Variants in RFTN2 observed in about 807,000 individuals in gnomAD.
RFTN2 encodes raftlin family member 2.
A neutral mutation model predicts 52.7 loss-of-function variants in RFTN2; 34 were observed. The observed-to-expected ratio is 0.64, with a 90% CI of 0.49 to 0.86. The LOEUF is 0.86. Among genes scored for constraint, RFTN2 ranks in the 40% least tolerant of loss-of-function variants. RFTN2 has a pLI of 0.00. For synonymous variants in RFTN2, 203 were observed against 217.7 expected (o/e 0.93, Z 0.59); for missense variants, 536 against 600.1 (o/e 0.89, Z 1.12).
intron 8 of RFTN2, among the ~76,000 whole-genome samples, chr2:197,576,659 A>G (rs1345522629): frequency 6.6e-6 from 1 of 152,200 alleles, no homozygotes; most frequent in Non-Finnish European, 1.5e-5. Flanking sequence ...TGGTTTTTAC[A>G]GCAAATATAC....
rs753395426 is a variant in RFTN2 at position 197,572,179 on chromosome 2, G to T, written c.1335C>A (p.His445Gln). The T allele has an allele frequency of 1.2e-6, 2 of 1,614,254 alleles. No homozygotes were observed. Among genetic ancestry groups the T allele is most frequent in the Non-Finnish European group, 1.7e-6 (2 of 1,180,046 alleles). ...TTSSQPAESRHLPEECRLSPS... is the reference protein window; with the variant it reads ...TTSSQPAESRQLPEECRLSPS... Reference sequence around the variant, plus strand: ...GAGAAAGGCGGCACTCCTCAGGCAGGTGTCTGCTCTCTGCAGGTTGTGACG... The same window carrying T: ...GAGAAAGGCGGCACTCCTCAGGCAGTTGTCTGCTCTCTGCAGGTTGTGACG... The change falls in exon 9 of 9, where the codon CAC (histidine) becomes CAA (glutamine). Residue 445 changes from histidine (H) to glutamine (Q), a missense_variant. By Grantham distance (24) the His-to-Gln change is conservative (BLOSUM62 0). Coordinates refer to ENST00000295049, the MANE Select transcript of RFTN2 (RefSeq NM_144629.3).
Position 197,569,461 on chromosome 2 carries a change from C to G in RFTN2, c.*2547G>C, listed in dbSNP as rs986536524. The G allele has an allele frequency of 2.0e-5, 3 of 152,044 alleles. No homozygotes were observed. Among genetic ancestry groups the G allele is most frequent in the Non-Finnish European group, 2.9e-5 (2 of 68,016 alleles). The allele number at this position is 152,044 out of a possible 1,614,324, so 9.4% of individuals were successfully genotyped here. Reference sequence around the variant, plus strand: ...TGATCATAAATTATTCGCTATCATACAAATTCATCACATAACTTAAGGGTA... The same window carrying G: ...TGATCATAAATTATTCGCTATCATAGAAATTCATCACATAACTTAAGGGTA... On this transcript the variant is annotated 3_prime_UTR_variant, in exon 9 of 9. Coordinates refer to ENST00000295049, the MANE Select transcript of RFTN2 (RefSeq NM_144629.3).
At chr2:197,620,517 A>G (rs1288439583) in intron 5 of RFTN2, among the ~76,000 whole-genome samples, 3 of 152,248 alleles carry the variant, frequency 2.0e-5, no homozygotes, top group African/African-American at 7.2e-5. Flanking sequence ...GCTTAAAGAT[A>G]AAAAAGACAA....
At chr2:197,627,875 G>GCCCC (rs1196853759) in intron 5 of RFTN2, among the ~76,000 whole-genome samples, 2 of 58,790 alleles carry the variant, frequency 3.4e-5, no homozygotes, top group African/African-American at 6.9e-5. Context: ...TCTGTCCCCC[G>GCCCC]CCCCCCCGCC....
chr2:197,597,387 G>A (rs2087808491), intron 7 of RFTN2, among the ~76,000 whole-genome samples: 2 of 152,196 alleles, frequency 1.3e-5, no homozygotes, highest in African/African-American at 2.4e-5. Flanking sequence ...CATGTTTTGG[G>A]AGCATGAAGT....
chr2:197,602,763 C>G (rs1364413868), intron 7 of RFTN2, among the ~76,000 whole-genome samples: 3 of 152,178 alleles, frequency 2.0e-5, no homozygotes, highest in Non-Finnish European at 4.4e-5. Context: ...GCTATAAAGA[C>G]ACATGCACAC....
chr2:197,656,527 A>G (rs1051911424), intron 1 of RFTN2, among the ~76,000 whole-genome samples: 1 of 152,214 alleles, frequency 6.6e-6, no homozygotes, highest in Non-Finnish European at 1.5e-5. Context: ...TAAACACGCA[A>G]ATAGACATCG....
At chr2:197,618,961 G>A (rs2088202999) in intron 5 of RFTN2, among the ~76,000 whole-genome samples, 1 of 151,654 alleles carries the variant, frequency 6.6e-6, no homozygotes, top group African/African-American at 2.4e-5. Flanking sequence ...AGGTGGGGGG[G>A]TCAGCCCCCC....
chr2:197,622,712 G>A (rs574893530), intron 5 of RFTN2, among the ~76,000 whole-genome samples: 10 of 152,302 alleles, frequency 6.6e-5, no homozygotes, highest in Admixed American at 2.0e-4. Flanking sequence ...TCAAAGCTTC[G>A]TAGGACACGC....
At chr2:197,672,080 T>C (rs2089154512) in intron 1 of RFTN2, among the ~76,000 whole-genome samples, 2 of 152,300 alleles carry the variant, frequency 1.3e-5, no homozygotes, top group South Asian at 4.1e-4. Context: ...GCAGGAATAA[T>C]GAATTGTTAC....
At chr2:197,590,705 C>G (rs57046332) in intron 8 of RFTN2, among the ~76,000 whole-genome samples, 65,997 of 151,776 alleles carry the variant, frequency 0.43, 14,752 homozygotes, top group South Asian at 0.56. Context: ...TTCGTGGTCT[C>G]GCTGGTTCAG....
chr2:197,586,327 A>C (rs1559339167), intron 8 of RFTN2, among the ~76,000 whole-genome samples: 1 of 152,106 alleles, frequency 6.6e-6, no homozygotes, highest in Non-Finnish European at 1.5e-5. Context: ...TTACCCTATC[A>C]GTCCCCATTA....
chr2:197,620,327 C>A (rs969266668), intron 5 of RFTN2, among the ~76,000 whole-genome samples: 1 of 152,104 alleles, frequency 6.6e-6, no homozygotes, highest in Non-Finnish European at 1.5e-5. Flanking sequence ...AGCTGGCCTA[C>A]ACAAACTGAT....
intron 1 of RFTN2, among the ~76,000 whole-genome samples, chr2:197,653,635 A>G (rs1305686017): frequency 6.6e-6 from 1 of 152,182 alleles, no homozygotes; most frequent in East Asian, 1.9e-4. Flanking sequence ...AACTTCAAAA[A>G]TCTATTGGGT....
chr2:197,637,932 T>C (rs1368596291), intron 3 of RFTN2, among the ~76,000 whole-genome samples: 3 of 151,518 alleles, frequency 2.0e-5, no homozygotes, highest in Non-Finnish European at 4.4e-5. Flanking sequence ...GATTCTGGTA[T>C]GTTGTGTCTT....
In RFTN2 at chr2:197,675,504, C is replaced by T. The variant is rs756806241; in HGVS notation, c.-46G>A. ...AAATTGCAGGAAAGGGGAGGGAGAG[C>T]AGCAAATTCTGTTGTTTAAGCTGCA... On this transcript the variant is annotated 5_prime_UTR_variant, in exon 1 of 9. Transcript: ENST00000295049. 5 of 1,241,384 alleles carry T rather than the reference C, an allele frequency of 4.0e-6. No homozygotes were observed. The East Asian group carries it at 2.3e-4, about 58-fold the overall frequency. 76.9% of individuals were successfully genotyped at this position (1,241,384 alleles called of 1,614,324 possible). A position where few individuals can be genotyped will look rare whatever the true frequency, so the allele number is the denominator to read the frequency against.
At chr2:197,619,351 T>C (rs1339316800) in intron 5 of RFTN2, among the ~76,000 whole-genome samples, 1 of 152,144 alleles carries the variant, frequency 6.6e-6, no homozygotes, top group Non-Finnish European at 1.5e-5. Flanking sequence ...GCCGTGTCTG[T>C]GTAGAAAGAG....
At chr2:197,632,766 CT>C (rs1391092913) in intron 4 of RFTN2, among the ~76,000 whole-genome samples, 3 of 152,090 alleles carry the variant, frequency 2.0e-5, no homozygotes, top group Non-Finnish European at 4.4e-5. Context: ...GCTTATGTGG[CT>C]AAATGAATCT....
At chr2:197,613,717 C>G (rs2088099484) in intron 7 of RFTN2, among the ~76,000 whole-genome samples, 1 of 152,160 alleles carries the variant, frequency 6.6e-6, no homozygotes, top group South Asian at 2.1e-4. Flanking sequence ...ACCAAATGAC[C>G]TTCATCCTAT....
Sources: allele counts gnomAD v4.1 joint callset (sites outside exome capture counted in the v4.1 genomes callset), GRCh38; gene constraint gnomAD v4.1.1; transcripts MANE v1.5; gene names NCBI Gene and HGNC (gene_info 2026-07-23, HGNC 2026-07-21).